Variants in C21orf91 observed in about 807,000 individuals in gnomAD.
C21orf91 encodes the protein chromosome 21 open reading frame 91.
Under a neutral mutation model 32.9 loss-of-function variants are expected in C21orf91, and 26 were observed. That is an observed-to-expected ratio of 0.79 (90% CI 0.58 to 1.10). The LOEUF (loss-of-function observed/expected upper bound fraction) is 1.10, where lower values mean the gene tolerates loss of function less well. Ranked by LOEUF, C21orf91 falls within the 50% of genes least tolerant of loss-of-function variation. The pLI, the probability that C21orf91 is intolerant of heterozygous loss-of-function variation, is 0.00. For synonymous variants in C21orf91, 126 were observed against 120.4 expected, an observed-to-expected ratio of 1.05 and a Z score of -0.31; for missense variants, 310 against 341.3, an observed-to-expected ratio of 0.91 and a Z score of 0.72.
At chr21:17,797,513 A>G (rs1269043998) in intron 2 of C21orf91, among the ~76,000 whole-genome samples, 2 of 151,896 alleles carry the variant, frequency 1.3e-5, no homozygotes, top group Admixed American at 6.6e-5. Flanking sequence ...ATGAGGTTCA[A>G]TAACAGAAAT....
At chr21:17,811,820 T>C (rs920210561) in intron 2 of C21orf91, among the ~76,000 whole-genome samples, 20 of 152,178 alleles carry the variant, frequency 1.3e-4, no homozygotes, top group African/African-American at 4.8e-4. Context: ...ATATTCTTAT[T>C]AACAGGATAT....
chr21:17,808,439 T>C (rs1265912878), intron 2 of C21orf91, among the ~76,000 whole-genome samples: 6 of 152,166 alleles, frequency 3.9e-5, no homozygotes, highest in African/African-American at 1.4e-4. Flanking sequence ...GCAGTGCAGA[T>C]GGGAAATGTG....
At chr21:17,811,697 T>C (rs145369495) in intron 2 of C21orf91, among the ~76,000 whole-genome samples, 20 of 152,300 alleles carry the variant, frequency 1.3e-4, no homozygotes, top group African/African-American at 4.6e-4. Flanking sequence ...TTCATATAGC[T>C]GATAAAACAT....
At chr21:17,805,881 T>G (rs1363197525) in intron 2 of C21orf91, among the ~76,000 whole-genome samples, 1 of 152,180 alleles carries the variant, frequency 6.6e-6, no homozygotes, top group African/African-American at 2.4e-5. Flanking sequence ...AAAAAGCTAT[T>G]CAAATTAACT....
intron 2 of C21orf91, among the ~76,000 whole-genome samples, chr21:17,804,512 G>A (rs1330295580): frequency 6.6e-6 from 1 of 152,178 alleles, no homozygotes; most frequent in Non-Finnish European, 1.5e-5. Flanking sequence ...AAAAGTAAAA[G>A]GTAACTGCTT....
At position 17,789,820 on chromosome 21, in the gene C21orf91, G is replaced by A. The variant is rs1187763559; in HGVS notation, c.*3595C>T. ...GTAAATAAACTCTTCCCTGCCCCAT[G>A]ACCACAAAACTTTACTTGGTAAGAA... On this transcript the variant is annotated 3_prime_UTR_variant, in exon 5 of 5. Coordinates refer to ENST00000284881, the MANE Select transcript of C21orf91 (RefSeq NM_001100420.2). 6.6e-6 allele frequency: 1 copy of A among 152,006 alleles called. No individual in the cohort carries two copies. Among genetic ancestry groups the A allele is most frequent in the Non-Finnish European group, 1.5e-5 (1 of 67,948 alleles). 9.4% of individuals were successfully genotyped at this position (152,006 alleles called of 1,614,324 possible). A position where few individuals can be genotyped will look rare whatever the true frequency, so the allele number is the denominator to read the frequency against.
At chr21:17,809,168 G>A (rs1350205774) in intron 2 of C21orf91, among the ~76,000 whole-genome samples, 1 of 152,140 alleles carries the variant, frequency 6.6e-6, no homozygotes, top group Non-Finnish European at 1.5e-5. Flanking sequence ...CTTTATAGCA[G>A]TGTGAGAACT....
intron 2 of C21orf91, among the ~76,000 whole-genome samples, chr21:17,809,482 CAG>C (rs947043392): frequency 1.3e-5 from 2 of 152,058 alleles, no homozygotes; most frequent in Non-Finnish European, 2.9e-5. Flanking sequence ...ATTTTCAAAA[CAG>C]AGTAGCAATT....
intron 4 of C21orf91, among the ~76,000 whole-genome samples, chr21:17,795,004 C>CA (rs56814896): frequency 0.29 from 30,366 of 104,254 alleles, 3,666 homozygotes; most frequent in East Asian, 0.47. Context: ...GATTCTGTCG[C>CA]AAAAAAAAAA....
chr21:17,808,861 T>C (rs1012872526), intron 2 of C21orf91: 2 of 152,202 alleles, frequency 1.3e-5, no homozygotes, highest in Non-Finnish European at 2.9e-5. Flanking sequence ...TCAGGTTAAA[T>C]TGTAATCCCT....
intron 2 of C21orf91, among the ~76,000 whole-genome samples, chr21:17,799,049 C>G (rs917358178): frequency 1.1e-4 from 17 of 152,300 alleles, no homozygotes; most frequent in Non-Finnish European, 2.4e-4. Flanking sequence ...TCTCAGTGCA[C>G]TGCCTCAGCT....
At position 17,811,498 on chromosome 21, in the gene C21orf91, T is replaced by C. The variant is rs1048182385; in HGVS notation, c.127+6694A>G. The C allele has an allele frequency of 5.9e-5, 9 of 152,334 alleles. No individual in the cohort carries two copies. In the East Asian group the frequency reaches 1.5e-3, roughly 26 times the overall value. 9.4% of individuals were successfully genotyped at this position (152,334 alleles called of 1,614,324 possible). A position where few individuals can be genotyped will look rare whatever the true frequency, so the allele number is the denominator to read the frequency against. Reference sequence around the variant, plus strand: ...TTCACAGGCCATTATTATTTGCATGTAATAAGAAAAATTACACTTTTAGCG... The same window carrying C: ...TTCACAGGCCATTATTATTTGCATGCAATAAGAAAAATTACACTTTTAGCG... On this transcript the variant is annotated intron_variant, in intron 2 of 4. Transcript: ENST00000284881.
intron 2 of C21orf91, among the ~76,000 whole-genome samples, chr21:17,813,690 T>C (rs549230579): frequency 5.3e-5 from 8 of 152,276 alleles, no homozygotes; most frequent in South Asian, 2.1e-4. Context: ...ATTTGTATTA[T>C]ACTTACTGGT....
At chr21:17,795,966 T>C (rs538608258) in intron 3 of C21orf91, among the ~76,000 whole-genome samples, 1 of 152,338 alleles carries the variant, frequency 6.6e-6, no homozygotes, top group South Asian at 2.1e-4. Context: ...GTTTGAAAAA[T>C]AAATTTGTCT....
At chr21:17,817,501 G>GT (rs1056673593) in intron 2 of C21orf91, among the ~76,000 whole-genome samples, 37 of 151,658 alleles carry the variant, frequency 2.4e-4, no homozygotes, top group African/African-American at 6.5e-4. Flanking sequence ...GAATATTAAG[G>GT]TTTTTTTTAG....
chr21:17,802,575 C>T (rs1330947126), intron 2 of C21orf91, among the ~76,000 whole-genome samples: 9 of 152,178 alleles, frequency 5.9e-5, no homozygotes, highest in Non-Finnish European at 1.3e-4. Context: ...AATAATACTC[C>T]AAATGGCACT....
At chr21:17,817,986 C>T in intron 2 of C21orf91, 1 of 387,168 alleles carries the variant, frequency 2.6e-6, no homozygotes, top group Non-Finnish European at 4.6e-6. Context: ...TTGCAGGGGT[C>T]TTTAAAAAAA....
intron 4 of C21orf91, 86 bp from the exon 5 acceptor site, chr21:17,793,667 T>G: frequency 1.2e-6 from 1 of 832,878 alleles, no homozygotes; most frequent in Non-Finnish European, 1.9e-6. Flanking sequence ...CTGAAATCTA[T>G]GCATTGGGCA....
intron 2 of C21orf91, chr21:17,808,985 C>T (rs1416397738): frequency 1.3e-5 from 2 of 152,270 alleles, no homozygotes; most frequent in African/African-American, 4.8e-5. Context: ...AAGTATGTAG[C>T]ACCTTCTTCT....
Sources: gnomAD v4.1 joint callset for allele counts (sites outside exome capture counted in the v4.1 genomes callset) on GRCh38, gnomAD v4.1.1 for gene constraint, MANE v1.5 for transcripts, NCBI Gene and HGNC (gene_info 2026-07-23, HGNC 2026-07-21) for gene names.